The following SLC20A2 variants were observed in gnomAD, a reference collection of about 807,000 sequenced individuals.
SLC20A2 encodes sodium-dependent phosphate transporter 2.
Under a neutral mutation model 61.0 loss-of-function variants are expected in SLC20A2, and 30 were observed. That is an observed-to-expected ratio of 0.49 (90% confidence interval 0.37 to 0.67). The LOEUF is 0.67. Ranked by LOEUF, SLC20A2 falls within the 30% of genes least tolerant of loss-of-function variation. The pLI is 0.00. For synonymous variants in SLC20A2, 351 were observed against 353.3 expected (o/e 0.99, Z 0.07); for missense variants, 626 against 866.4 (o/e 0.72, Z 3.48).
chr8:42,421,205 A>T (rs1369833156), intron 10 of SLC20A2, among the ~76,000 whole-genome samples: 1 of 152,016 alleles, frequency 6.6e-6, no homozygotes, highest in Non-Finnish European at 1.5e-5. Context: ...TTATTTATTT[A>T]GTTGTTTAGA....
At chr8:42,487,226 G>A (rs1175285340) in intron 1 of SLC20A2, among the ~76,000 whole-genome samples, 2 of 143,610 alleles carry the variant, frequency 1.4e-5, no homozygotes, top group African/African-American at 2.6e-5. Context: ...CGCCCAGGCT[G>A]GAGTGCAGTG....
chr8:42,463,590 C>T (rs79868444), intron 3 of SLC20A2, among the ~76,000 whole-genome samples: 2,446 of 152,300 alleles, frequency 0.016, 64 homozygotes, highest in South Asian at 0.1. Context: ...CCTCTGGGTG[C>T]ACAGTGGAAC....
chr8:42,447,546 T>C (rs188060737), intron 5 of SLC20A2, among the ~76,000 whole-genome samples: 2,687 of 151,660 alleles, frequency 0.018, 68 homozygotes, highest in African/African-American at 0.059. Flanking sequence ...GGCGTGGTGG[T>C]GGGCACCTGT....
At chr8:42,540,489 G>C (rs2923432) in intron 1 of SLC20A2, among the ~76,000 whole-genome samples, 98,336 of 151,958 alleles carry the variant, frequency 0.65, 31,989 homozygotes, top group African/African-American at 0.7. Flanking sequence ...AAATGTTATA[G>C]AATTATATGT....
At chr8:42,464,092 C>CTTTTTTATTTTTTTTTTTTT (rs1806935050) in intron 3 of SLC20A2, among the ~76,000 whole-genome samples, 1 of 20,552 alleles carries the variant, frequency 4.9e-5, no homozygotes, top group Non-Finnish European at 1.0e-4. Flanking sequence ...GCTGGATGAT[C>CTTTTTTATTTTTTTTTTTTT]TTTTTTTTTT....
chr8:42,466,668 C>A (rs180702522), intron 2 of SLC20A2, among the ~76,000 whole-genome samples: 28 of 151,648 alleles, frequency 1.8e-4, no homozygotes, highest in African/African-American at 4.3e-4. Context: ...TTTTTCTTTT[C>A]TTTTCTTTTT....
intron 10 of SLC20A2, among the ~76,000 whole-genome samples, chr8:42,424,166 A>G (rs1303403822): frequency 6.6e-6 from 1 of 152,256 alleles, no homozygotes; most frequent in Non-Finnish European, 1.5e-5. Flanking sequence ...AACTGTGCTC[A>G]GTAGTGGCAC....
At chr8:42,467,714 T>C (rs1001188646) in intron 2 of SLC20A2, among the ~76,000 whole-genome samples, 18 of 152,136 alleles carry the variant, frequency 1.2e-4, no homozygotes, top group African/African-American at 3.4e-4. Flanking sequence ...AGGCGTGCGT[T>C]GGGAGGAGAA....
intron 2 of SLC20A2, among the ~76,000 whole-genome samples, chr8:42,471,729 C>G (rs1807654222): frequency 6.6e-6 from 1 of 152,110 alleles, no homozygotes; most frequent in African/African-American, 2.4e-5. Flanking sequence ...CTAAATCAAC[C>G]TTCCTGGAAA....
At chr8:42,432,739 T>C (rs1563447435) in intron 8 of SLC20A2, among the ~76,000 whole-genome samples, 1 of 152,198 alleles carries the variant, frequency 6.6e-6, no homozygotes, top group Non-Finnish European at 1.5e-5. Context: ...GCCCAGACCC[T>C]CCATCAGCAA....
chr8:42,467,660 T>G (rs745548924), intron 2 of SLC20A2, among the ~76,000 whole-genome samples: 1 of 152,198 alleles, frequency 6.6e-6, no homozygotes, highest in Non-Finnish European at 1.5e-5. Context: ...CTAGGCGTGC[T>G]GACCTTTGAG....
At chr8:42,482,382 T>C (rs181210272) in intron 1 of SLC20A2, among the ~76,000 whole-genome samples, 169 of 152,174 alleles carry the variant, frequency 1.1e-3, no homozygotes, top group Non-Finnish European at 5.0e-4. Context: ...GAAAAAAGAC[T>C]GTTATTTAGG....
intron 10 of SLC20A2, among the ~76,000 whole-genome samples, chr8:42,419,939 G>A (rs1025002902): frequency 6.6e-6 from 1 of 152,154 alleles, no homozygotes; most frequent in Non-Finnish European, 1.5e-5. Context: ...TGTAATCCCA[G>A]CACTTTGGGA....
intron 5 of SLC20A2, among the ~76,000 whole-genome samples, chr8:42,448,152 C>T (rs977691007): frequency 6.6e-6 from 1 of 152,242 alleles, no homozygotes; most frequent in African/African-American, 2.4e-5. Flanking sequence ...CAACACCGAT[C>T]CCACGCATGG....
In SLC20A2 at chr8:42,482,524, G is replaced by A. The variant is rs561852050; in HGVS notation, c.-264-9870C>T. 5.9e-5 allele frequency among the ~76,000 whole-genome samples: 9 copies of A among 152,208 alleles called. No homozygotes were observed. The East Asian group carries it at 7.7e-4, about 13-fold the overall frequency. ...TCCCTGCAATCCCGTCAAGGTGGGC[G>A]GATCACTTGAGCCCAGGAGTTTGAG... On this transcript the variant is annotated intron_variant, in intron 1 of 10. Transcript: ENST00000520262.
At chr8:42,451,271 G>A (rs184461187) in intron 5 of SLC20A2, among the ~76,000 whole-genome samples, 29 of 151,596 alleles carry the variant, frequency 1.9e-4, no homozygotes, top group African/African-American at 6.5e-4. Context: ...AGAAGAGGAG[G>A]AGGACAGGGA....
Position 42,430,290 on chromosome 8 carries a change from A to G in SLC20A2, c.1524-41T>C. The G allele has an allele frequency of 1.9e-6, 3 of 1,539,380 alleles. 1 individual carries two copies. Among genetic ancestry groups the G allele is most frequent in the South Asian group, 2.5e-5 (2 of 81,496 alleles). ...AGAGAAAAGATTAACTATATATGCA[A>G]GCGGCAATGTACATGATACAGGTGA... is the stretch of plus-strand genomic sequence containing the variant. On this transcript the variant is annotated intron_variant, in intron 8 of 10. Coordinates refer to ENST00000520262, the MANE Select transcript of SLC20A2 (RefSeq NM_001257180.2).
intron 1 of SLC20A2, among the ~76,000 whole-genome samples, chr8:42,536,181 A>C (rs1259688672): frequency 6.6e-6 from 1 of 152,240 alleles, no homozygotes; most frequent in African/African-American, 2.4e-5. Flanking sequence ...AATATTCATT[A>C]TTACAAGTTT....
intron 3 of SLC20A2, 82 bp downstream of exon 3, chr8:42,465,689 CAAAAAA>C: frequency 1.9e-6 from 2 of 1,059,760 alleles, no homozygotes; most frequent in South Asian, 1.8e-5. Flanking sequence ...CACTCCGGGT[CAAAAAA>C]AAAAAAAAAG....
Sources: allele counts gnomAD v4.1 joint callset (sites outside exome capture counted in the v4.1 genomes callset), GRCh38; gene constraint gnomAD v4.1.1; transcripts MANE v1.5; gene names NCBI Gene and HGNC (gene_info 2026-07-23, HGNC 2026-07-21).